Variants in NBPF26 observed in about 807,000 individuals in gnomAD.
NBPF26 encodes the protein NBPF member 26, also known as NBPF family member NBPF26.
NBPF26 carries 79 observed loss-of-function variants against 119.6 expected under a neutral mutation model. The ratio of observed to expected loss-of-function variants is 0.66; its 90% CI spans 0.55 to 0.80. NBPF26 has a LOEUF of 0.80. NBPF26 is among the 30% of genes least tolerant of loss of function. The probability of loss-of-function intolerance (pLI) is 0.00; values close to 1 mark genes in which losing one functional copy is unlikely to be tolerated. For synonymous variants in NBPF26, 299 were observed against 457.7 expected, an observed-to-expected ratio of 0.65 and a Z score of 4.43; for missense variants, 800 against 1,198.2, an observed-to-expected ratio of 0.67 and a Z score of 4.91.
At chr1:120,833,224 G>T (rs1481620691) in intron 23 of NBPF26, among the ~76,000 whole-genome samples, 1 of 115,878 alleles carries the variant, frequency 8.6e-6, no homozygotes, top group Non-Finnish European at 1.7e-5. Context: ...CCACTGCATC[G>T]AATTTTGAGC....
chr1:120,810,868 G>C lies in NBPF26; in HGVS notation c.1564+310G>C, dbSNP rs1651844154. 6.4e-5 allele frequency among the ~76,000 whole-genome samples: 7 copies of C among 109,202 alleles called. 3 individuals carry two copies. The South Asian group carries it at 1.3e-3, about 21-fold the overall frequency. The allele number at this position is 109,202 out of a possible 152,430, so 71.6% of individuals were successfully genotyped here. ...GCTCAGGAGACTTAGGTGGGAGGAT[G>C]GGCTGAGATGATCCTCCCACTCTAA... is the stretch of plus-strand genomic sequence containing the variant. On this transcript the variant is annotated intron_variant, in intron 9 of 29. Transcript: ENST00000620612.
chr1:120,743,726 T>C lies in NBPF26; in HGVS notation c.73+19476T>C, dbSNP rs1361467621. Among the ~76,000 whole-genome samples, 6 of 114,674 alleles carry C rather than the reference T, an allele frequency of 5.2e-5. 1 individual carries two copies. The highest frequency in any genetic ancestry group is 1.0e-4 in the Non-Finnish European group (6 of 57,218). The allele number at this position is 114,674 out of a possible 152,430, so 75.2% of individuals were successfully genotyped here. A position where few individuals can be genotyped will look rare whatever the true frequency, so the allele number is the denominator to read the frequency against. ...ACCTTGTTCATTTTTTGAGAACTAATGTAGAGTTTGAAAAAACACCGTAAG... is the reference window on the plus strand; with the variant it reads ...ACCTTGTTCATTTTTTGAGAACTAACGTAGAGTTTGAAAAAACACCGTAAG... On this transcript the variant is annotated intron_variant, in intron 1 of 29. Coordinates refer to ENST00000620612, the Ensembl canonical transcript of NBPF26.
rs1453360528 is a variant in NBPF26, at chr1:120,791,360, C to T, written c.416-1801C>T. On this transcript the variant is annotated intron_variant, in intron 3 of 29. Transcript: ENST00000620612. ...GACACATGCACACGTATGTTTATTG[C>T]GGCACTATTCACAATAGCAAAGAGT... Among the ~76,000 whole-genome samples, 4 of 104,224 alleles carry T rather than the reference C, an allele frequency of 3.8e-5. 1 individual carries two copies. The highest frequency in any genetic ancestry group is 2.3e-4 in the East Asian group (1 of 4,330). The allele number at this position is 104,224 out of a possible 152,430, so 68.4% of individuals were successfully genotyped here.
In NBPF26 at chr1:120,791,365, C is replaced by T. The variant is rs1456056309; in HGVS notation, c.416-1796C>T. On this transcript the variant is annotated intron_variant, in intron 3 of 29. Transcript: ENST00000620612. Reference sequence around the variant, plus strand: ...ATGCACACGTATGTTTATTGCGGCACTATTCACAATAGCAAAGAGTTGGAA... The same window carrying T: ...ATGCACACGTATGTTTATTGCGGCATTATTCACAATAGCAAAGAGTTGGAA... Among the ~76,000 whole-genome samples the T allele has an allele frequency of 5.7e-5, 6 of 105,472 alleles. 1 individual carries two copies. Among genetic ancestry groups the T allele is most frequent in the Non-Finnish European group, 1.0e-4 (6 of 57,192 alleles). 69.2% of individuals were successfully genotyped at this position (105,472 alleles called of 152,430 possible).
At chr1:120,818,003 C>T in intron 14 of NBPF26, 120 bp from the exon 15 acceptor site, 1 of 497,510 alleles carries the variant, frequency 2.0e-6, no homozygotes, top group Non-Finnish European at 3.4e-6. Context: ...ATATTCCTGT[C>T]AGAATCCTTA....
chr1:120,816,968 C>A (rs1185767535), intron 14 of NBPF26, 141 bp downstream of exon 14: 6 of 1,134,440 alleles, frequency 5.3e-6, no homozygotes, highest in Non-Finnish European at 6.1e-6. Flanking sequence ...GTTTTTTGTC[C>A]TTCTCAGCTA....
rs1553270989 is a variant in NBPF26 at position 120,811,658 on chromosome 1, G to A, written c.1565-228G>A. ...GGGCCAAGCCTTGCTTTATAGAAAC[G>A]TATAAGCAAGAAAAGTGTAGAAGTG... On this transcript the variant is annotated intron_variant, in intron 9 of 29. Coordinates refer to ENST00000620612, the Ensembl canonical transcript of NBPF26. Among the ~76,000 whole-genome samples the A allele has an allele frequency of 3.5e-5, 4 of 113,748 alleles. 2 individuals are homozygous for A. The highest frequency in any genetic ancestry group is 3.4e-5 in the Non-Finnish European group (2 of 58,140). The allele number at this position is 113,748 out of a possible 152,430, so 74.6% of individuals were successfully genotyped here.
At chr1:120,728,025 A>G (rs1650834602) in intron 1 of NBPF26, among the ~76,000 whole-genome samples, 1 of 118,774 alleles carries the variant, frequency 8.4e-6, no homozygotes, top group Non-Finnish European at 1.6e-5. Context: ...TCACAGAGCC[A>G]ATTAGAGTTG....
chr1:120,765,317 A>T (rs1233722111), intron 2 of NBPF26, among the ~76,000 whole-genome samples: 2 of 57,362 alleles, frequency 3.5e-5, no homozygotes, highest in Non-Finnish European at 6.0e-5. Context: ...TTATTCTGTT[A>T]TGCAACTCTT....
chr1:120,811,319 G>A lies in NBPF26; in HGVS notation c.1565-567G>A, dbSNP rs1404279282. Reference sequence around the variant, plus strand: ...CCAACACTTTGGGAGGCCGAGGTGGGCGGAACACCTGAGCTCAGGAGTTCA... The same window carrying A: ...CCAACACTTTGGGAGGCCGAGGTGGACGGAACACCTGAGCTCAGGAGTTCA... On this transcript the variant is annotated intron_variant, in intron 9 of 29. Transcript: ENST00000620612. Among the ~76,000 whole-genome samples the A allele has an allele frequency of 6.7e-3, 737 of 110,310 alleles. 155 individuals carry two copies. In the East Asian group the frequency reaches 0.14, roughly 21 times the overall value. 72.4% of individuals were successfully genotyped at this position (110,310 alleles called of 152,430 possible).
In NBPF26 at chr1:120,816,882, C is replaced by G. The variant is rs1652019323; in HGVS notation, c.2371+55C>G. 9.6e-6 allele frequency: 14 copies of G among 1,450,904 alleles called. 1 individual carries two copies. Among genetic ancestry groups the G allele is most frequent in the Non-Finnish European group, 1.3e-5 (14 of 1,082,640 alleles). 89.9% of individuals were successfully genotyped at this position (1,450,904 alleles called of 1,614,324 possible). On this transcript the variant is annotated intron_variant, in intron 14 of 29. Transcript: ENST00000620612. ...CTCTTTCTTGGCTGAGGAAGATAAA[C>G]TCTGAAGACAGGCTCTATAAACACA...
intron 4 of NBPF26, among the ~76,000 whole-genome samples, chr1:120,794,074 G>T (rs1434003031): frequency 9.9e-6 from 1 of 101,352 alleles, no homozygotes; most frequent in African/African-American, 6.7e-5. Flanking sequence ...AGAGAATTCT[G>T]AAACTGAGGA....
intron 4 of NBPF26, among the ~76,000 whole-genome samples, chr1:120,802,180 C>T (rs1651590715): frequency 1.7e-5 from 2 of 120,028 alleles, no homozygotes; most frequent in South Asian, 5.1e-4. Context: ...CAGCGGGTCC[C>T]CAAACTGACT....
chr1:120,776,013 G>A (rs1459877989), intron 2 of NBPF26, among the ~76,000 whole-genome samples: 1 of 104,188 alleles, frequency 9.6e-6, no homozygotes, highest in East Asian at 2.3e-4. Flanking sequence ...TAGGTAAATA[G>A]CTCAACCCAG....
At chr1:120,811,837 G>T in intron 9 of NBPF26, 49 bp from the exon 10 acceptor site, 1 of 725,702 alleles carries the variant, frequency 1.4e-6, no homozygotes, top group Non-Finnish European at 2.3e-6. Context: ...AAGCCTATTT[G>T]ATTTCACCAG....
rs1341710062 is a variant in NBPF26 at position 120,790,539 on chromosome 1, T to C, written c.416-2622T>C. On this transcript the variant is annotated intron_variant, in intron 3 of 29. Transcript: ENST00000620612. ...TTCTTTCTTTCTTTCTCCCTCCCTT[T>C]CTTTCTTTCTTTCTTTCTTTCTTTC... 4.3e-4 allele frequency among the ~76,000 whole-genome samples: 20 copies of C among 46,776 alleles called. 1 individual carries two copies. The highest frequency in any genetic ancestry group is 2.7e-3 in the East Asian group (5 of 1,824). 30.7% of individuals were successfully genotyped at this position (46,776 alleles called of 152,430 possible).
chr1:120,812,053 A>T lies in NBPF26; in HGVS notation c.1732A>T (p.Thr578Ser). The stretch of plus-strand genomic sequence containing the variant: ...AAACCTCAAAGAGAAATGTTTTCTA[A>T]CTCAACTGGCCGGCTTCCTGGCCAA... Residue 578 changes from threonine (T) to serine (S), a missense_variant, in exon 10 of 30, where the codon ACT becomes TCT. Around this residue, in one of 13 missense-constraint regions of NBPF26, gnomAD observed 72 missense variants for 81.1 expected, o/e 0.89. Coordinates refer to ENST00000620612, the Ensembl canonical transcript of NBPF26. 11 of 1,287,010 alleles carry T rather than the reference A, an allele frequency of 8.5e-6. 1 individual carries two copies. The South Asian group carries it at 1.0e-4, about 12-fold the overall frequency. 79.7% of individuals were successfully genotyped at this position (1,287,010 alleles called of 1,614,324 possible).
chr1:120,814,649 G>T (rs1651964760), intron 11 of NBPF26, among the ~76,000 whole-genome samples, 180 bp from the exon 12 acceptor site: 1 of 123,490 alleles, frequency 8.1e-6, no homozygotes, highest in Admixed American at 7.9e-5. Context: ...CTCTGATTCA[G>T]AGGAAGCCTG....
intron 1 of NBPF26, among the ~76,000 whole-genome samples, chr1:120,727,826 T>A (rs1249921334): frequency 8.5e-6 from 1 of 117,558 alleles, no homozygotes; most frequent in East Asian, 2.1e-4. Flanking sequence ...TCTCTGCAAA[T>A]GACTTGAAAC....
Sources: gnomAD v4.1 joint callset for allele counts (sites outside exome capture counted in the v4.1 genomes callset) on GRCh38, gnomAD v4.1.1 for gene constraint, gnomAD v4.1.1 regional missense constraint, MANE v1.5 for transcripts, NCBI Gene and HGNC (gene_info 2026-07-23, HGNC 2026-07-21) for gene names.